Variants in RIT2 observed in about 807,000 individuals in gnomAD.
The protein encoded by RIT2 is GTP-binding protein Rit2.
In RIT2, 24 loss-of-function variants were observed where a neutral mutation model predicts 23.7. That is an observed-to-expected ratio of 1.01 (90% confidence interval 0.73 to 1.43). The LOEUF (loss-of-function observed/expected upper bound fraction) is 1.43, where lower values mean the gene tolerates loss of function less well. Ranked by LOEUF, RIT2 falls within the 40% of genes most tolerant of loss-of-function variation. RIT2 has a pLI of 0.00. For missense variants in RIT2, 236 were observed against 266.9 expected (o/e 0.88, Z 0.81); for synonymous variants, 107 against 91.1 (o/e 1.17, Z -0.99).
chr18:43,086,610 C>A (rs1598777637), intron 1 of RIT2, among the ~76,000 whole-genome samples: 1 of 152,094 alleles, frequency 6.6e-6, no homozygotes, highest in African/African-American at 2.4e-5. Flanking sequence ...GGGATGAAGA[C>A]CACATCTCTC....
At chr18:42,810,063 T>C (rs953774585) in intron 4 of RIT2, among the ~76,000 whole-genome samples, 28 of 147,452 alleles carry the variant, frequency 1.9e-4, no homozygotes, top group African/African-American at 6.6e-4. Context: ...ATATGTTATA[T>C]ATATGTTATA....
chr18:42,748,991 A>G (rs181451495), intron 4 of RIT2, among the ~76,000 whole-genome samples: 39 of 152,134 alleles, frequency 2.6e-4, no homozygotes, highest in African/African-American at 8.4e-4. Context: ...AACAAACTCA[A>G]TTGATCCAAT....
At chr18:42,934,154 G>T (rs1050448591) in intron 3 of RIT2, among the ~76,000 whole-genome samples, 1 of 151,742 alleles carries the variant, frequency 6.6e-6, no homozygotes, top group African/African-American at 2.4e-5. Flanking sequence ...AATATAGTAG[G>T]AAAAAATTTA....
chr18:42,790,173 C>T (rs766219947), intron 4 of RIT2, among the ~76,000 whole-genome samples: 1 of 152,038 alleles, frequency 6.6e-6, no homozygotes, highest in South Asian at 2.1e-4. Flanking sequence ...TTTACAAATC[C>T]GAAATTTCAT....
At chr18:43,002,742 C>A (rs985370896) in intron 2 of RIT2, among the ~76,000 whole-genome samples, 2 of 151,892 alleles carry the variant, frequency 1.3e-5, no homozygotes, top group African/African-American at 4.8e-5. Context: ...TGCTGCCAGT[C>A]CCCCAAAGAT....
intron 2 of RIT2, among the ~76,000 whole-genome samples, chr18:43,027,049 A>G (rs967559230): frequency 1.3e-5 from 2 of 152,132 alleles, no homozygotes; most frequent in African/African-American, 2.4e-5. Flanking sequence ...AAAAAAGTGG[A>G]TGAAATCCAA....
chr18:43,051,984 G>A (rs1479810288), intron 1 of RIT2, among the ~76,000 whole-genome samples: 2 of 151,942 alleles, frequency 1.3e-5, no homozygotes, highest in Non-Finnish European at 1.5e-5. Context: ...TACATATCCT[G>A]TATGACACAG....
At chr18:43,038,223 T>G (rs1912035042) in intron 1 of RIT2, among the ~76,000 whole-genome samples, 4 of 131,592 alleles carry the variant, frequency 3.0e-5, no homozygotes, top group East Asian at 2.2e-4. Flanking sequence ...AAAAAAGCAG[T>G]TTCAGATTTT....
At chr18:42,745,548 CAT>C (rs1338567722) in intron 4 of RIT2, among the ~76,000 whole-genome samples, 1 of 152,124 alleles carries the variant, frequency 6.6e-6, no homozygotes, top group Non-Finnish European at 1.5e-5. Flanking sequence ...TGAGATAAAA[CAT>C]GTCTGGATTA....
At position 42,880,895 on chromosome 18, in the gene RIT2, C is replaced by T. The variant is rs962609445; in HGVS notation, c.426+42677G>A. On this transcript the variant is annotated intron_variant, in intron 4 of 4. Transcript: ENST00000326695. ...TGATCTCGGCTCACTGCAACCTCCACCTCCCGGGTTCCAGCAATTCCCCTG... is the reference window on the plus strand; with the variant it reads ...TGATCTCGGCTCACTGCAACCTCCATCTCCCGGGTTCCAGCAATTCCCCTG... Among the ~76,000 whole-genome samples, 6 of 150,890 alleles carry T rather than the reference C, an allele frequency of 4.0e-5. No homozygotes were observed. In the South Asian group the frequency reaches 1.3e-3, roughly 32 times the overall value.
intron 4 of RIT2, among the ~76,000 whole-genome samples, chr18:42,911,638 G>T (rs1037294417): frequency 1.3e-5 from 2 of 151,842 alleles, no homozygotes; most frequent in Non-Finnish European, 2.9e-5. Context: ...TTTTAAAAAT[G>T]ATTACAAGGA....
intron 1 of RIT2, among the ~76,000 whole-genome samples, chr18:43,108,221 T>C (rs1254131468): frequency 1.3e-5 from 2 of 150,984 alleles, no homozygotes; most frequent in Non-Finnish European, 2.9e-5. Context: ...GTTCACTGTA[T>C]CATGTCTTCA....
intron 4 of RIT2, among the ~76,000 whole-genome samples, chr18:42,765,963 C>T (rs977558919): frequency 2.6e-5 from 4 of 152,062 alleles, no homozygotes; most frequent in East Asian, 1.9e-4. Context: ...GCCACCACCA[C>T]GTAAGAAGTG....
intron 1 of RIT2, among the ~76,000 whole-genome samples, chr18:43,047,993 C>G (rs1912288748): frequency 6.6e-6 from 1 of 152,118 alleles, no homozygotes. Flanking sequence ...AATGAAATGG[C>G]TGCAGATGTG....
At chr18:42,782,194 G>A (rs554095066) in intron 4 of RIT2, among the ~76,000 whole-genome samples, 1 of 152,048 alleles carries the variant, frequency 6.6e-6, no homozygotes, top group Non-Finnish European at 1.5e-5. Context: ...CATTTAGTTG[G>A]GCTGCTCAAA....
chr18:42,907,214 A>C (rs1475897052), intron 4 of RIT2, among the ~76,000 whole-genome samples: 1 of 152,166 alleles, frequency 6.6e-6, no homozygotes, highest in East Asian at 1.9e-4. Flanking sequence ...ACAGTGTGAA[A>C]AGTGCATAAG....
intron 2 of RIT2, among the ~76,000 whole-genome samples, chr18:42,976,949 G>T (rs147870120): frequency 2.6e-3 from 403 of 152,162 alleles, no homozygotes; most frequent in Non-Finnish European, 4.9e-3. Flanking sequence ...GACTAATTGT[G>T]TGAGAAAACA....
At chr18:42,797,479 A>G (rs1905402304) in intron 4 of RIT2, among the ~76,000 whole-genome samples, 1 of 152,172 alleles carries the variant, frequency 6.6e-6, no homozygotes, top group South Asian at 2.1e-4. Flanking sequence ...AAGTAATCAT[A>G]TTATGCAGTT....
chr18:42,798,679 T>G (rs1364893493), intron 4 of RIT2, among the ~76,000 whole-genome samples: 1 of 152,264 alleles, frequency 6.6e-6, no homozygotes, highest in African/African-American at 2.4e-5. Context: ...ACTCTGGCTT[T>G]CTTTCTCTCC....
Sources: allele counts gnomAD v4.1 joint callset (sites outside exome capture counted in the v4.1 genomes callset), GRCh38; gene constraint gnomAD v4.1.1; transcripts MANE v1.5; gene names NCBI Gene and HGNC (gene_info 2026-07-23, HGNC 2026-07-21).